Variants in SLC24A3 observed in about 807,000 individuals in gnomAD.
SLC24A3 encodes solute carrier family 24 member 3.
Under a neutral mutation model 75.8 loss-of-function variants are expected in SLC24A3, and 28 were observed. The observed-to-expected ratio is 0.37, with a 90% CI of 0.27 to 0.51. SLC24A3 has a LOEUF of 0.51. Ranked by LOEUF, SLC24A3 falls within the 20% of genes least tolerant of loss-of-function variation. SLC24A3 has a pLI of 0.94. For missense variants in SLC24A3, 663 were observed against 847.8 expected (o/e 0.78, Z 2.71); for synonymous variants, 372 against 334.1 (o/e 1.11, Z -1.24).
intron 2 of SLC24A3, among the ~76,000 whole-genome samples, chr20:19,444,537 T>C (rs907073155): frequency 2.6e-5 from 4 of 152,208 alleles, no homozygotes; most frequent in African/African-American, 9.6e-5. Flanking sequence ...ATATTTCTCC[T>C]TATTTGAATT....
At chr20:19,579,038 C>A (rs1194780814) in intron 3 of SLC24A3, among the ~76,000 whole-genome samples, 1 of 152,126 alleles carries the variant, frequency 6.6e-6, no homozygotes, top group African/African-American at 2.4e-5. Context: ...ATTGGGCCAA[C>A]CTAGGTCATG....
intron 2 of SLC24A3, among the ~76,000 whole-genome samples, chr20:19,450,289 A>G (rs980845539): frequency 6.6e-6 from 1 of 152,200 alleles, no homozygotes; most frequent in African/African-American, 2.4e-5. Context: ...CAAACTCCAG[A>G]CAGCTCTCAT....
At chr20:19,640,810 TTTAAG>T (rs2032068045) in intron 6 of SLC24A3, among the ~76,000 whole-genome samples, 1 of 152,186 alleles carries the variant, frequency 6.6e-6, no homozygotes, top group African/African-American at 2.4e-5. Context: ...TCACTGAACT[TTTAAG>T]TTAAAATCAG....
At chr20:19,499,520 T>C (rs1988353113) in intron 2 of SLC24A3, among the ~76,000 whole-genome samples, 1 of 152,182 alleles carries the variant, frequency 6.6e-6, no homozygotes, top group Non-Finnish European at 1.5e-5. Context: ...AGTGGTTCTA[T>C]CCTCCCACCT....
rs1198815468 is a variant in SLC24A3, at chr20:19,678,495, G to A, written c.768-3363G>A. On this transcript the variant is annotated intron_variant, in intron 9 of 16. Coordinates refer to ENST00000328041, the MANE Select transcript of SLC24A3 (RefSeq NM_020689.4). ...CCCCCACCTCCCTCCCGGACGGGGC[G>A]GCTGGCCGGGCGGGGGGCTGACCCC... 3.6e-5 allele frequency among the ~76,000 whole-genome samples: 5 copies of A among 140,788 alleles called. No homozygotes were observed. The East Asian group carries it at 6.4e-4, about 18-fold the overall frequency. 92.4% of individuals were successfully genotyped at this position (140,788 alleles called of 152,430 possible). A position where few individuals can be genotyped will look rare whatever the true frequency, so the allele number is the denominator to read the frequency against.
intron 2 of SLC24A3, among the ~76,000 whole-genome samples, chr20:19,288,619 C>T (rs1983867465): frequency 6.6e-6 from 1 of 152,156 alleles, no homozygotes; most frequent in Non-Finnish European, 1.5e-5. Flanking sequence ...GGAATAAATA[C>T]CTCAAGGTCA....
chr20:19,417,060 T>C (rs1986838919), intron 2 of SLC24A3, among the ~76,000 whole-genome samples: 1 of 152,026 alleles, frequency 6.6e-6, no homozygotes, highest in African/African-American at 2.4e-5. Context: ...AAAGACAAGA[T>C]AGACTGGAGA....
intron 3 of SLC24A3, among the ~76,000 whole-genome samples, chr20:19,522,344 C>T (rs1258094997): frequency 4.6e-5 from 7 of 152,180 alleles, no homozygotes; most frequent in Non-Finnish European, 8.8e-5. Flanking sequence ...TCCAAACAAG[C>T]AGGATGTATA....
At chr20:19,456,748 C>T (rs1987584659) in intron 2 of SLC24A3, among the ~76,000 whole-genome samples, 1 of 152,208 alleles carries the variant, frequency 6.6e-6, no homozygotes, top group Non-Finnish European at 1.5e-5. Flanking sequence ...AGTCATTGGG[C>T]AAGACAGGCT....
chr20:19,718,953 G>A (rs2033070773), intron 16 of SLC24A3, among the ~76,000 whole-genome samples: 1 of 152,216 alleles, frequency 6.6e-6, no homozygotes, highest in Non-Finnish European at 1.5e-5. Flanking sequence ...CAGTGTTGAG[G>A]CAGTCTGATG....
chr20:19,427,300 T>C (rs1299926189), intron 2 of SLC24A3, among the ~76,000 whole-genome samples: 1 of 152,132 alleles, frequency 6.6e-6, no homozygotes, highest in African/African-American at 2.4e-5. Flanking sequence ...ACACACATCA[T>C]AGTGTCCCCA....
At chr20:19,451,122 A>G (rs978540289) in intron 2 of SLC24A3, among the ~76,000 whole-genome samples, 1 of 152,232 alleles carries the variant, frequency 6.6e-6, no homozygotes, top group African/African-American at 2.4e-5. Context: ...GGAACTTATG[A>G]TTTATGTATT....
chr20:19,429,999 C>T (rs1412611003), intron 2 of SLC24A3, among the ~76,000 whole-genome samples: 1 of 152,046 alleles, frequency 6.6e-6, no homozygotes, highest in East Asian at 1.9e-4. Context: ...GAGGTAGCCA[C>T]CCTAGGGGCT....
chr20:19,645,226 A>T (rs1297413284), intron 6 of SLC24A3, among the ~76,000 whole-genome samples: 1 of 152,250 alleles, frequency 6.6e-6, no homozygotes, highest in Non-Finnish European at 1.5e-5. Flanking sequence ...TATTTATTGT[A>T]TGCCTTTTAA....
intron 15 of SLC24A3, among the ~76,000 whole-genome samples, chr20:19,704,904 A>G (rs2032912397): frequency 6.6e-6 from 1 of 152,138 alleles, no homozygotes; most frequent in Admixed American, 6.5e-5. Flanking sequence ...TTCTTAGCTC[A>G]GTTCTGCAGA....
intron 2 of SLC24A3, among the ~76,000 whole-genome samples, chr20:19,330,423 A>G (rs1314043812): frequency 3.3e-5 from 5 of 152,234 alleles, no homozygotes; most frequent in Non-Finnish European, 7.3e-5. Flanking sequence ...CCAGGATTTT[A>G]TGAATGTACT....
chr20:19,687,837 C>T (rs1381612937), intron 12 of SLC24A3, among the ~76,000 whole-genome samples: 2 of 152,138 alleles, frequency 1.3e-5, no homozygotes, highest in Non-Finnish European at 2.9e-5. Context: ...GCTCGCCACC[C>T]TCTGTCTCAC....
At chr20:19,570,540 A>C (rs1354533091) in intron 3 of SLC24A3, among the ~76,000 whole-genome samples, 1 of 151,996 alleles carries the variant, frequency 6.6e-6, no homozygotes, top group African/African-American at 2.4e-5. Flanking sequence ...GATGCTAGGG[A>C]CCCCCATTTT....
At chr20:19,243,062 T>C (rs1197727666) in intron 1 of SLC24A3, among the ~76,000 whole-genome samples, 1 of 152,228 alleles carries the variant, frequency 6.6e-6, no homozygotes, top group Non-Finnish European at 1.5e-5. Flanking sequence ...TAAAAGTTTC[T>C]TTTTTATTTG....
Sources: gnomAD v4.1 joint callset for allele counts (sites outside exome capture counted in the v4.1 genomes callset) on GRCh38, gnomAD v4.1.1 for gene constraint, MANE v1.5 for transcripts, NCBI Gene and HGNC (gene_info 2026-07-23, HGNC 2026-07-21) for gene names.